The following AGBL4 variants were observed in gnomAD, a reference collection of about 807,000 sequenced individuals.
AGBL4 encodes the protein cytosolic carboxypeptidase 6.
Under a neutral mutation model 66.4 loss-of-function variants are expected in AGBL4, and 58 were observed. The ratio of observed to expected loss-of-function variants is 0.87; its 90% CI spans 0.71 to 1.09. The LOEUF (loss-of-function observed/expected upper bound fraction) is 1.09, where lower values mean the gene tolerates loss of function less well. Ranked by LOEUF, AGBL4 falls within the 50% of genes least tolerant of loss-of-function variation. AGBL4 has a pLI of 0.00. For synonymous variants in AGBL4, 234 were observed against 222.9 expected (o/e 1.05, Z -0.44); for missense variants, 579 against 631.0 (o/e 0.92, Z 0.88).
chr1:48,673,579 T>A (rs746708284), intron 6 of AGBL4, among the ~76,000 whole-genome samples: 1 of 152,100 alleles, frequency 6.6e-6, no homozygotes, highest in Non-Finnish European at 1.5e-5. Context: ...TATTAAAGAG[T>A]GTAATTTTTT....
chr1:49,121,872 G>A (rs1364353842), intron 4 of AGBL4, among the ~76,000 whole-genome samples: 5 of 152,236 alleles, frequency 3.3e-5, no homozygotes, highest in East Asian at 1.9e-4. Context: ...CGCCCATTTC[G>A]AGCTTCCCAG....
chr1:49,023,389 G>A (rs1441621476), intron 5 of AGBL4, among the ~76,000 whole-genome samples: 2 of 152,114 alleles, frequency 1.3e-5, no homozygotes, highest in African/African-American at 4.8e-5. Flanking sequence ...TCAGGCTTTG[G>A]TATTATCCAG....
chr1:48,750,845 G>C (rs531536148), intron 6 of AGBL4, among the ~76,000 whole-genome samples: 2 of 152,234 alleles, frequency 1.3e-5, no homozygotes, highest in South Asian at 4.1e-4. Context: ...GGCTAGACGA[G>C]GTGAACTCTG....
At chr1:49,089,153 A>C (rs1252286618) in intron 4 of AGBL4, among the ~76,000 whole-genome samples, 1 of 151,632 alleles carries the variant, frequency 6.6e-6, no homozygotes, top group African/African-American at 2.4e-5. Context: ...AAAAGTTAGA[A>C]AGATCTCAAG....
At chr1:49,051,044 C>T (rs1363201475) in intron 4 of AGBL4, among the ~76,000 whole-genome samples, 1 of 151,998 alleles carries the variant, frequency 6.6e-6, no homozygotes, top group Non-Finnish European at 1.5e-5. Flanking sequence ...TCTAAAACAG[C>T]AGCATTCTCT....
intron 5 of AGBL4, among the ~76,000 whole-genome samples, chr1:49,023,699 A>G (rs866392456): frequency 3.3e-5 from 5 of 152,184 alleles, no homozygotes; most frequent in African/African-American, 1.2e-4. Context: ...AAGGTCAGCT[A>G]CAGGTAACTT....
chr1:49,226,694 C>A (rs1008192389), intron 4 of AGBL4, among the ~76,000 whole-genome samples: 1 of 152,188 alleles, frequency 6.6e-6, no homozygotes, highest in Non-Finnish European at 1.5e-5. Flanking sequence ...CCTAAACAAA[C>A]AACTAAGAGT....
chr1:48,531,137 A>G (rs1205726038), downstream of AGBL4, among the ~76,000 whole-genome samples: 1 of 152,068 alleles, frequency 6.6e-6, no homozygotes, highest in East Asian at 1.9e-4. Flanking sequence ...TGCTCTGCCA[A>G]TGTGGAAAAG....
In AGBL4 at chr1:49,845,575, C is replaced by T. The variant is rs1646118923; in HGVS notation, c.157+5821G>A. On this transcript the variant is annotated intron_variant, in intron 2 of 13. Transcript: ENST00000371839. ...CCAGCAAATCCACACAGGGGAGAAG[C>T]CCTACGAGTGCCATGAGTGTGGAAA... The T allele has an allele frequency of 1.0e-5, 16 of 1,603,472 alleles. No homozygotes were observed. In the South Asian group the frequency reaches 1.5e-4, roughly 15 times the overall value.
chr1:49,857,207 T>C (rs960299249), intron 1 of AGBL4, among the ~76,000 whole-genome samples: 3 of 151,900 alleles, frequency 2.0e-5, no homozygotes, highest in Non-Finnish European at 4.4e-5. Flanking sequence ...TCCAAAACAC[T>C]GATGAATATA....
chr1:49,369,986 A>T (rs1326020936), intron 3 of AGBL4, among the ~76,000 whole-genome samples: 1 of 151,380 alleles, frequency 6.6e-6, no homozygotes, highest in Admixed American at 6.6e-5. Context: ...GAGTGCCTTC[A>T]GATTAGAACT....
chr1:49,799,041 T>C (rs192657914), intron 2 of AGBL4, among the ~76,000 whole-genome samples: 154 of 152,174 alleles, frequency 1.0e-3, no homozygotes, highest in Non-Finnish European at 1.6e-3. Context: ...TAAAATAAAA[T>C]AATAATAATG....
chr1:49,289,600 G>A lies in AGBL4; in HGVS notation c.283-43736C>T, dbSNP rs164831. Among the ~76,000 whole-genome samples, 868 of 152,164 alleles carry A rather than the reference G, an allele frequency of 5.7e-3. 11 individuals are homozygous for A. Among genetic ancestry groups the A allele is most frequent in the African/African-American group, 0.02 (828 of 41,510 alleles). On this transcript the variant is annotated intron_variant, in intron 3 of 13. Transcript: ENST00000371839. ...TCATTGACAGTTATATTTATAATTT[G>A]TACATTTTCTACCCACATATTCACT...
At chr1:49,514,241 A>C (rs969980664) in intron 3 of AGBL4, among the ~76,000 whole-genome samples, 1 of 151,966 alleles carries the variant, frequency 6.6e-6, no homozygotes, top group African/African-American at 2.4e-5. Flanking sequence ...CCCTGGCCAG[A>C]ACTTCCAACA....
intron 3 of AGBL4, among the ~76,000 whole-genome samples, chr1:49,641,353 A>T (rs1307808708): frequency 6.6e-6 from 1 of 152,090 alleles, no homozygotes; most frequent in Non-Finnish European, 1.5e-5. Flanking sequence ...CAATATAGCT[A>T]AATAATTCAG....
At chr1:48,824,559 G>A (rs1217426688) in intron 6 of AGBL4, among the ~76,000 whole-genome samples, 1 of 152,170 alleles carries the variant, frequency 6.6e-6, no homozygotes, top group African/African-American at 2.4e-5. Context: ...ATTAGCTCTA[G>A]TGAGGTATTG....
chr1:48,689,276 T>C (rs922843648), intron 6 of AGBL4, among the ~76,000 whole-genome samples: 9 of 148,584 alleles, frequency 6.1e-5, no homozygotes, highest in Admixed American at 5.4e-4. Flanking sequence ...GTCCTTATAC[T>C]CAGAAAGCCC....
intron 2 of AGBL4, among the ~76,000 whole-genome samples, chr1:49,761,023 G>T (rs1652266672): frequency 6.6e-6 from 1 of 152,140 alleles, no homozygotes; most frequent in African/African-American, 2.4e-5. Flanking sequence ...CCTGTTGGGG[G>T]GTGGGGGTAA....
intron 4 of AGBL4, among the ~76,000 whole-genome samples, chr1:49,224,616 C>CAA (rs377573639): frequency 1.9e-3 from 140 of 74,518 alleles, no homozygotes; most frequent in East Asian, 8.4e-3. Flanking sequence ...GACTCCCTCT[C>CAA]AAAAAAAAAA....
Sources: allele counts gnomAD v4.1 joint callset (sites outside exome capture counted in the v4.1 genomes callset), GRCh38; gene constraint gnomAD v4.1.1; transcripts MANE v1.5; gene names NCBI Gene and HGNC (gene_info 2026-07-23, HGNC 2026-07-21).